M1AP: variants seen among roughly 807,000 people sequenced by gnomAD.
M1AP encodes meiosis 1 arrest protein.
Under a neutral mutation model 51.2 loss-of-function variants are expected in M1AP, and 39 were observed. The ratio of observed to expected loss-of-function variants is 0.76; its 90% confidence interval spans 0.59 to 1.00. The LOEUF is 1.00. Among genes scored for constraint, M1AP ranks in the 50% least tolerant of loss-of-function variants. The pLI, the probability that M1AP is intolerant of heterozygous loss-of-function variation, is 0.00. For missense variants in M1AP, 545 were observed against 641.2 expected (o/e 0.85, Z 1.62); for synonymous variants, 251 against 249.2 (o/e 1.01, Z -0.07).
chr2:74,569,180 A>G (rs1238865150), intron 7 of M1AP, among the ~76,000 whole-genome samples: 1 of 152,204 alleles, frequency 6.6e-6, no homozygotes, highest in African/African-American at 2.4e-5. Flanking sequence ...ATCTACAAAA[A>G]TGAAACAAAT....
intron 9 of M1AP, 40 bp from the exon 10 acceptor site, chr2:74,559,749 T>TA (rs1223565888): frequency 1.7e-5 from 12 of 717,890 alleles, no homozygotes; most frequent in Non-Finnish European, 3.1e-5. Flanking sequence ...AGCAAGCACT[T>TA]ATCATAAAAC....
intron 8 of M1AP, among the ~76,000 whole-genome samples, chr2:74,561,119 A>G: frequency 1.4e-5 from 2 of 147,808 alleles, no homozygotes; most frequent in Non-Finnish European, 3.0e-5. Flanking sequence ...GAGAAGGAGG[A>G]GGAGGAGAAG....
chr2:74,558,827 C>A lies in M1AP; in HGVS notation c.1482G>T (p.Leu494=), dbSNP rs767510878. 5 of 1,606,928 alleles carry A rather than the reference C, an allele frequency of 3.1e-6. No individual in the cohort carries two copies. The South Asian group carries it at 4.5e-5, about 14-fold the overall frequency. ...TNRARATVAP[L]PMTPVPGRAS... ...CTCTGCCTGGGACAGGAGTCATAGGCAGGGGGGCCACAGTAGCTCGAGCTC... is the reference window on the plus strand; with the variant it reads ...CTCTGCCTGGGACAGGAGTCATAGGAAGGGGGGCCACAGTAGCTCGAGCTC... Residue 494 remains leucine, a synonymous_variant, in exon 11 of 11, where the codon CTG becomes CTT. Transcript: ENST00000421985.
At chr2:74,566,793 T>C (rs765871643) in intron 7 of M1AP, among the ~76,000 whole-genome samples, 2 of 152,196 alleles carry the variant, frequency 1.3e-5, no homozygotes, top group African/African-American at 2.4e-5. Flanking sequence ...CACCCAGTTA[T>C]AGCCCAACTG....
chr2:74,579,332 G>GA (rs1277008329), intron 5 of M1AP, among the ~76,000 whole-genome samples: 1 of 152,228 alleles, frequency 6.6e-6, no homozygotes, highest in Non-Finnish European at 1.5e-5. Flanking sequence ...CCTTTGTTCA[G>GA]AATTGCTTAG....
intron 8 of M1AP, among the ~76,000 whole-genome samples, chr2:74,560,844 T>G (rs1413121777): frequency 1.3e-5 from 2 of 151,326 alleles, no homozygotes; most frequent in East Asian, 3.9e-4. Flanking sequence ...TGTGCCCACC[T>G]CTCTCTGTGT....
At chr2:74,576,851 T>G in intron 5 of M1AP, 1 of 1,302,434 alleles carries the variant, frequency 7.7e-7, no homozygotes, top group South Asian at 1.9e-5. Context: ...ACATAAAAGT[T>G]AACTTATCTT....
chr2:74,645,159 C>T (rs1396751731), intron 1 of M1AP, among the ~76,000 whole-genome samples: 1 of 152,132 alleles, frequency 6.6e-6, no homozygotes, highest in African/African-American at 2.4e-5. Context: ...AAAAACTCCA[C>T]ACACGCCGCC....
intron 7 of M1AP, 99 bp from the exon 8 acceptor site, chr2:74,562,522 G>A: frequency 7.5e-7 from 1 of 1,330,332 alleles, no homozygotes; most frequent in Non-Finnish European, 1.0e-6. Flanking sequence ...CAGGGGTGCT[G>A]AGGAGGGCAG....
intron 4 of M1AP, among the ~76,000 whole-genome samples, chr2:74,591,788 ACT>A (rs1270169664): frequency 5.9e-5 from 9 of 151,736 alleles, no homozygotes; most frequent in Non-Finnish European, 8.8e-5. Flanking sequence ...CCTAAGACAT[ACT>A]CTTTTATTTT....
chr2:74,618,408 A>C (rs1361659840), intron 2 of M1AP, among the ~76,000 whole-genome samples: 1 of 152,232 alleles, frequency 6.6e-6, no homozygotes, highest in African/African-American at 2.4e-5. Context: ...TGTGTGAAGA[A>C]AAAGAAACAG....
intron 7 of M1AP, 37 bp from the exon 8 acceptor site, chr2:74,562,460 T>A (rs1678090636): frequency 6.2e-7 from 1 of 1,610,974 alleles, no homozygotes; most frequent in Non-Finnish European, 8.5e-7. Flanking sequence ...GGTTCATCTT[T>A]AGTCTATGGC....
chr2:74,594,793 T>C (rs1342923233), intron 4 of M1AP, among the ~76,000 whole-genome samples: 1 of 151,912 alleles, frequency 6.6e-6, no homozygotes, highest in Non-Finnish European at 1.5e-5. Context: ...GGGAGGATCA[T>C]CTGAGCCCAG....
chr2:74,628,740 A>G, intron 2 of M1AP: 1 of 568,620 alleles, frequency 1.8e-6, no homozygotes. Flanking sequence ...CAACAAGATA[A>G]TCGTCATCAT....
At chr2:74,594,938 G>T (rs995405007) in intron 4 of M1AP, among the ~76,000 whole-genome samples, 2 of 152,142 alleles carry the variant, frequency 1.3e-5, no homozygotes, top group African/African-American at 4.8e-5. Context: ...CAAATAGGAT[G>T]AATTAGAAGA....
chr2:74,616,090 A>G (rs148418903), intron 2 of M1AP, among the ~76,000 whole-genome samples: 1 of 152,314 alleles, frequency 6.6e-6, no homozygotes, highest in African/African-American at 2.4e-5. Context: ...GTGAAAACAC[A>G]AGGAATTGCA....
chr2:74,628,364 C>T (rs752923183), intron 2 of M1AP: 18 of 379,042 alleles, frequency 4.7e-5, no homozygotes, highest in Non-Finnish European at 9.6e-5. Flanking sequence ...GTCTTAAAAA[C>T]TGCTTTACAA....
intron 6 of M1AP, 23 bp from the exon 7 acceptor site, chr2:74,575,602 A>T: frequency 6.3e-7 from 1 of 1,591,136 alleles, no homozygotes; most frequent in Non-Finnish European, 8.6e-7. Flanking sequence ...AATTACAGTC[A>T]AAGACTCCTT....
intron 2 of M1AP, among the ~76,000 whole-genome samples, chr2:74,630,579 C>T (rs1195716328): frequency 6.6e-6 from 1 of 152,040 alleles, no homozygotes; most frequent in Non-Finnish European, 1.5e-5. Flanking sequence ...GAGAACATGC[C>T]GTCTTTGGTT....
Sources: gnomAD v4.1 joint callset for allele counts (sites outside exome capture counted in the v4.1 genomes callset) on GRCh38, gnomAD v4.1.1 for gene constraint, MANE v1.5 for transcripts, NCBI Gene and HGNC (gene_info 2026-07-23, HGNC 2026-07-21) for gene names.